Variants in SMARCC1 observed in about 807,000 individuals in gnomAD.
The protein encoded by SMARCC1 is SWI/SNF complex subunit SMARCC1.
In SMARCC1, 43 loss-of-function variants were observed where a neutral mutation model predicts 147.4. The ratio of observed to expected loss-of-function variants is 0.29; its 90% CI spans 0.23 to 0.38. The LOEUF is 0.38. Among genes scored for constraint, SMARCC1 ranks in the 10% least tolerant of loss-of-function variants. SMARCC1 has a pLI of 1.00. For synonymous variants in SMARCC1, 495 were observed against 484.4 expected (o/e 1.02, Z -0.29); for missense variants, 1,119 against 1,381.1 (o/e 0.81, Z 3.01).
At chr3:47,708,702 A>T (rs2034047361) in intron 9 of SMARCC1, among the ~76,000 whole-genome samples, 1 of 152,182 alleles carries the variant, frequency 6.6e-6, no homozygotes, top group Admixed American at 6.5e-5. Flanking sequence ...GGAAAAAAAA[A>T]ATTTTGAATA....
chr3:47,621,116 A>G (rs1457678425), intron 25 of SMARCC1, among the ~76,000 whole-genome samples: 1 of 152,154 alleles, frequency 6.6e-6, no homozygotes, highest in Non-Finnish European at 1.5e-5. Context: ...CCTGGCCAAC[A>G]TGGTGAAACC....
chr3:47,764,416 A>G (rs2034811331), intron 2 of SMARCC1, among the ~76,000 whole-genome samples: 1 of 152,208 alleles, frequency 6.6e-6, no homozygotes, highest in South Asian at 2.1e-4. Context: ...GAAAGATGAA[A>G]AAAGTAAAAA....
intron 14 of SMARCC1, 47 bp downstream of exon 14, chr3:47,686,002 C>A: frequency 6.3e-7 from 1 of 1,575,166 alleles, no homozygotes; most frequent in Non-Finnish European, 8.7e-7. Context: ...AAGGAAAGTT[C>A]TTGTACTGCT....
chr3:47,763,067 A>C, intron 2 of SMARCC1, among the ~76,000 whole-genome samples: 1 of 1,122 alleles, frequency 8.9e-4, no homozygotes, highest in East Asian at 0.1. Flanking sequence ...CTCCATCTCA[A>C]AAAAAAAAAA....
At chr3:47,767,365 T>C (rs2034852677) in intron 2 of SMARCC1, among the ~76,000 whole-genome samples, 1 of 146,716 alleles carries the variant, frequency 6.8e-6, no homozygotes, top group African/African-American at 2.5e-5. Context: ...CTCGGCCTCC[T>C]GAGTAGCTGG....
intron 24 of SMARCC1, among the ~76,000 whole-genome samples, chr3:47,622,803 G>A (rs2032753836): frequency 6.6e-6 from 1 of 152,116 alleles, no homozygotes; most frequent in Non-Finnish European, 1.5e-5. Context: ...CCTCATGTGT[G>A]GAAACAAAGG....
chr3:47,630,904 A>C (rs1380574029), intron 24 of SMARCC1, among the ~76,000 whole-genome samples: 2 of 152,100 alleles, frequency 1.3e-5, no homozygotes, highest in African/African-American at 2.4e-5. Context: ...CTCTACAAAA[A>C]ATTTTAAAAT....
At chr3:47,715,190 T>G (rs1162333682) in intron 7 of SMARCC1, among the ~76,000 whole-genome samples, 1 of 152,218 alleles carries the variant, frequency 6.6e-6, no homozygotes, top group East Asian at 1.9e-4. Context: ...AAATATACGC[T>G]GATGACTTCA....
Position 47,781,704 on chromosome 3 carries a change from G to T in SMARCC1, c.94C>A (p.Arg32=). ...GTGGCCGGGCCCCCATCCTTCCGTCGATAAACAGCTAGGCCTGCGGCTGCC... is the reference window on the plus strand; with the variant it reads ...GTGGCCGGGCCCCCATCCTTCCGTCTATAAACAGCTAGGCCTGCGGCTGCC... ...AAAAAGLAVY[R]RKDGGPATKF... Residue 32 remains arginine (R), a synonymous_variant, in exon 1 of 28, where the codon CGA becomes AGA. Coordinates refer to ENST00000254480, the MANE Select transcript of SMARCC1 (RefSeq NM_003074.4). The T allele has an allele frequency of 6.4e-7, 1 of 1,562,574 alleles. No homozygotes were observed. Among genetic ancestry groups the T allele is most frequent in the East Asian group, 2.6e-5 (1 of 38,036 alleles).
At chr3:47,704,594 GAACAGC>G (rs2033966951) in intron 10 of SMARCC1, among the ~76,000 whole-genome samples, 1 of 152,064 alleles carries the variant, frequency 6.6e-6, no homozygotes, top group Admixed American at 6.6e-5. Flanking sequence ...CAAAATCTCT[GAACAGC>G]AACAACAATA....
chr3:47,747,301 G>C (rs1043203950), intron 2 of SMARCC1, among the ~76,000 whole-genome samples: 1 of 151,886 alleles, frequency 6.6e-6, no homozygotes, highest in Middle Eastern at 3.4e-3. Context: ...GCCAGGCATG[G>C]GGGGAGTGTG....
At chr3:47,621,657 G>A (rs2032734067) in intron 25 of SMARCC1, among the ~76,000 whole-genome samples, 1 of 152,128 alleles carries the variant, frequency 6.6e-6, no homozygotes, top group Admixed American at 6.5e-5. Flanking sequence ...TCCAAAAGGG[G>A]AAGAGGAGAA....
intron 22 of SMARCC1, among the ~76,000 whole-genome samples, chr3:47,637,945 T>C (rs1357118424): frequency 6.6e-6 from 1 of 152,202 alleles, no homozygotes; most frequent in South Asian, 2.1e-4. Flanking sequence ...CTTTAAAACC[T>C]ACCTCATATG....
intron 22 of SMARCC1, among the ~76,000 whole-genome samples, chr3:47,636,383 T>A (rs1376535342): frequency 4.6e-5 from 7 of 152,238 alleles, no homozygotes; most frequent in Non-Finnish European, 7.3e-5. Flanking sequence ...CCTCTCTGCA[T>A]ACTCTGCTAT....
chr3:47,660,444 TAAAAAAAAAAAA>T (rs71070206), intron 21 of SMARCC1, among the ~76,000 whole-genome samples: 1 of 67,322 alleles, frequency 1.5e-5, no homozygotes, highest in South Asian at 4.5e-4. Context: ...AGACTCTGTC[TAAAAAAAAAAAA>T]AAAAAAAAAA....
rs377164385 is a variant in SMARCC1 at position 47,596,614 on chromosome 3, G to C, written c.3044-5777C>G. On this transcript the variant is annotated intron_variant, in intron 26 of 27. Transcript: ENST00000254480. ...AAATAAGAAGAAGAAGAAGAAAAAA[G>C]ATGGGGTCTTGCTACGTTGCCCAGG... Among the ~76,000 whole-genome samples the C allele has an allele frequency of 1.7e-3, 258 of 151,794 alleles. 4 individuals are homozygous for C. In the South Asian group the frequency reaches 0.046, roughly 27 times the overall value.
At chr3:47,740,168 G>T (rs1043362149) in intron 3 of SMARCC1, among the ~76,000 whole-genome samples, 1 of 122,050 alleles carries the variant, frequency 8.2e-6, no homozygotes, top group Admixed American at 9.4e-5. Flanking sequence ...GAGCCACCAC[G>T]CCCGGCCATC....
In SMARCC1 at chr3:47,736,592, C is replaced by T. The variant is rs565216839; in HGVS notation, c.484-466G>A. On this transcript the variant is annotated intron_variant, in intron 4 of 27. Transcript: ENST00000254480. ...TCGGGAGGCTGAGGCAGGAGAATGG[C>T]GTGAACCCGGGAGGTTGGAGCTTGC... Among the ~76,000 whole-genome samples the T allele has an allele frequency of 3.9e-5, 6 of 152,026 alleles. No homozygotes were observed. The South Asian group carries it at 1.0e-3, about 26-fold the overall frequency.
In SMARCC1 at chr3:47,765,858, G is replaced by A. The variant is rs149264927; in HGVS notation, c.315+6959C>T. On this transcript the variant is annotated intron_variant, in intron 2 of 27. Coordinates refer to ENST00000254480, the MANE Select transcript of SMARCC1 (RefSeq NM_003074.4). ...AGCAGTTCTCCTGCCTCAGCCTCCC[G>A]AGCAGCTGGGATTACAGGCGCCTGC... Among the ~76,000 whole-genome samples the A allele has an allele frequency of 6.5e-3, 993 of 151,680 alleles. 11 individuals are homozygous for A. Among genetic ancestry groups the A allele is most frequent in the African/African-American group, 0.023 (942 of 41,330 alleles).
Sources: gnomAD v4.1 joint callset for allele counts (sites outside exome capture counted in the v4.1 genomes callset) on GRCh38, gnomAD v4.1.1 for gene constraint, MANE v1.5 for transcripts, NCBI Gene and HGNC (gene_info 2026-07-23, HGNC 2026-07-21) for gene names.